The following DLG2 variants were observed in gnomAD, a reference collection of about 807,000 sequenced individuals.
DLG2 encodes the protein discs large MAGUK scaffold protein 2, also known as disks large homolog 2.
Under a neutral mutation model 132.5 loss-of-function variants are expected in DLG2, and 45 were observed. The ratio of observed to expected loss-of-function variants is 0.34; its 90% CI spans 0.27 to 0.44. The LOEUF is 0.44. Ranked by LOEUF, DLG2 falls within the 20% of genes least tolerant of loss-of-function variation. The pLI is 1.00. For missense variants in DLG2, 1,045 were observed against 1,196.9 expected (o/e 0.87, Z 1.87); for synonymous variants, 424 against 419.6 (o/e 1.01, Z -0.13).
intron 16 of DLG2, among the ~76,000 whole-genome samples, chr11:83,852,099 A>T (rs573001902): frequency 4.6e-5 from 7 of 152,262 alleles, no homozygotes; most frequent in African/African-American, 1.4e-4. Flanking sequence ...TTTCAGAGGG[A>T]CCAGGGCCTG....
rs116590024 is a variant in DLG2, at chr11:84,603,383, T to C, written c.358-68652A>G. ...TTTTCTATTGAAATGTGACTTTTCC[T>C]CTACTTGAATATGACCTAGAGCAAG... On this transcript the variant is annotated intron_variant, in intron 6 of 27. Coordinates refer to ENST00000376104, the MANE Select transcript of DLG2 (RefSeq NM_001142699.3). Among the ~76,000 whole-genome samples the C allele has an allele frequency of 2.6e-3, 396 of 152,070 alleles. 2 individuals are homozygous for C. The highest frequency in any genetic ancestry group is 8.9e-3 in the African/African-American group (368 of 41,550).
At chr11:84,650,849 ATGTG>A (rs138640341) in intron 6 of DLG2, among the ~76,000 whole-genome samples, 1,022 of 92,492 alleles carry the variant, frequency 0.011, 16 homozygotes, top group African/African-American at 0.037. Flanking sequence ...ACTTTCCTGT[ATGTG>A]TGTGTGTGTG....
In DLG2 at chr11:84,869,020, A is replaced by G. The variant is rs12417419; in HGVS notation, c.357+242641T>C. On this transcript the variant is annotated intron_variant, in intron 6 of 27. Transcript: ENST00000376104. ...AAGGATGTGATATGAAAAATTTTAC[A>G]TATCTCTAACAAATGTTATCAATTA... 2.3e-3 allele frequency among the ~76,000 whole-genome samples: 346 copies of G among 152,324 alleles called. 3 individuals are homozygous for G. The highest frequency in any genetic ancestry group is 0.016 in the Admixed American group (241 of 15,304).
chr11:83,695,098 A>G (rs2081655377), intron 18 of DLG2, among the ~76,000 whole-genome samples: 1 of 152,254 alleles, frequency 6.6e-6, no homozygotes, highest in South Asian at 2.1e-4. Context: ...TAAGTCTTAC[A>G]TAATTCAACT....
At chr11:83,500,631 AG>A (rs2094411713) in intron 21 of DLG2, among the ~76,000 whole-genome samples, 1 of 150,956 alleles carries the variant, frequency 6.6e-6, no homozygotes, top group African/African-American at 2.4e-5. Flanking sequence ...ACTGTCAGCT[AG>A]GGGGGTTATT....
At chr11:83,860,336 A>G (rs999544418) in intron 16 of DLG2, among the ~76,000 whole-genome samples, 10 of 152,202 alleles carry the variant, frequency 6.6e-5, no homozygotes, top group African/African-American at 2.4e-4. Flanking sequence ...GCAAAGCCAC[A>G]GGAGTGGAGC....
At chr11:83,555,314 A>G (rs2096492284) in intron 19 of DLG2, among the ~76,000 whole-genome samples, 1 of 152,236 alleles carries the variant, frequency 6.6e-6, no homozygotes, top group African/African-American at 2.4e-5. Flanking sequence ...AGTAATGGGA[A>G]GCCTTTGGGG....
At chr11:84,488,263 T>C (rs997128992) in intron 7 of DLG2, among the ~76,000 whole-genome samples, 8 of 151,832 alleles carry the variant, frequency 5.3e-5, no homozygotes, top group South Asian at 2.1e-4. Context: ...GGAAAGACAA[T>C]AGAGAAACAG....
rs188485717 is a variant in DLG2 at position 85,117,091 on chromosome 11, T to C, written c.283-5356A>G. ...TGGCTTCATATGGGTTAGCCTGCAC[T>C]CTCAGAGTTCGTCAAGGCAAAAGAT... is the stretch of plus-strand genomic sequence containing the variant. On this transcript the variant is annotated intron_variant, in intron 5 of 27. Transcript: ENST00000376104. Among the ~76,000 whole-genome samples, 108 of 152,112 alleles carry C rather than the reference T, an allele frequency of 7.1e-4. 1 individual carries two copies. The highest frequency in any genetic ancestry group is 7.1e-3 in the Admixed American group (108 of 15,240).
chr11:85,033,065 A>G (rs765249775), intron 6 of DLG2, among the ~76,000 whole-genome samples: 1 of 152,226 alleles, frequency 6.6e-6, no homozygotes, highest in Non-Finnish European at 1.5e-5. Flanking sequence ...AAATGAATGA[A>G]ATATTATTTA....
chr11:84,417,518 A>G (rs79689319), intron 7 of DLG2, among the ~76,000 whole-genome samples: 4,882 of 152,248 alleles, frequency 0.032, 142 homozygotes, highest in South Asian at 0.16. Flanking sequence ...TCCCCAGTAC[A>G]ATCATCTATT....
chr11:84,475,321 T>C (rs560757500), intron 7 of DLG2, among the ~76,000 whole-genome samples: 53 of 152,234 alleles, frequency 3.5e-4, no homozygotes, highest in Middle Eastern at 3.4e-3. Flanking sequence ...TCAATAAGCA[T>C]TTGGGGAGAA....
chr11:85,025,804 A>G (rs1393603364), intron 6 of DLG2, among the ~76,000 whole-genome samples: 1 of 151,986 alleles, frequency 6.6e-6, no homozygotes, highest in Admixed American at 6.5e-5. Context: ...TATCAGTGGA[A>G]CAAAGATTAA....
rs1430637492 is a variant in DLG2, at chr11:84,238,640, C to CT, written c.573+12597dup. ...CCCCAGAAATATGTTTTAGTATTTGCTTTTTTTTTTTTGGAAATAGAGTTT... is the reference window on the plus strand; with the variant it reads ...CCCCAGAAATATGTTTTAGTATTTGCTTTTTTTTTTTTTGGAAATAGAGTTT... On this transcript the variant is annotated intron_variant, in intron 8 of 27. Transcript: ENST00000376104. Among the ~76,000 whole-genome samples, 734 of 145,926 alleles carry CT rather than the reference C, an allele frequency of 5.0e-3. 8 individuals carry two copies. Among genetic ancestry groups the CT allele is most frequent in the African/African-American group, 0.014 (553 of 39,986 alleles).
chr11:84,683,184 T>C (rs1477641009), intron 6 of DLG2, among the ~76,000 whole-genome samples: 1 of 152,194 alleles, frequency 6.6e-6, no homozygotes, highest in African/African-American at 2.4e-5. Context: ...GTCCTTATGG[T>C]ATAGTGACTG....
intron 8 of DLG2, among the ~76,000 whole-genome samples, chr11:84,239,164 A>G (rs2097195539): frequency 6.6e-6 from 1 of 152,096 alleles, no homozygotes; most frequent in South Asian, 2.1e-4. Context: ...CTATTTATGG[A>G]ATTTATTTAT....
intron 2 of DLG2, among the ~76,000 whole-genome samples, chr11:85,614,802 T>C (rs1251796318): frequency 1.3e-5 from 2 of 152,226 alleles, no homozygotes; most frequent in African/African-American, 2.4e-5. Flanking sequence ...ATATACATTT[T>C]CACAAATGGG....
chr11:84,378,167 G>A (rs1750625227), intron 7 of DLG2, among the ~76,000 whole-genome samples: 1 of 152,172 alleles, frequency 6.6e-6, no homozygotes, highest in South Asian at 2.1e-4. Context: ...ATTAAATGAG[G>A]TCATAAGGGT....
At chr11:85,482,526 G>A (rs72953934) in intron 3 of DLG2, among the ~76,000 whole-genome samples, 18 of 152,194 alleles carry the variant, frequency 1.2e-4, no homozygotes, top group African/African-American at 3.9e-4. Context: ...ACTCAATCTG[G>A]TTCCTTGTCC....
Sources: allele counts gnomAD v4.1 joint callset (sites outside exome capture counted in the v4.1 genomes callset), GRCh38; gene constraint gnomAD v4.1.1; transcripts MANE v1.5; gene names NCBI Gene and HGNC (gene_info 2026-07-23, HGNC 2026-07-21).